Variants in RASGRF2 observed in about 807,000 individuals in gnomAD.
RASGRF2 encodes Ras protein specific guanine nucleotide releasing factor 2.
Under a neutral mutation model 151.0 loss-of-function variants are expected in RASGRF2, and 76 were observed. The ratio of observed to expected loss-of-function variants is 0.50; its 90% confidence interval spans 0.42 to 0.61. The LOEUF (loss-of-function observed/expected upper bound fraction) is 0.61. RASGRF2 is among the 20% of genes least tolerant of loss of function. The pLI is 0.00. For missense variants in RASGRF2, 1,148 were observed against 1,564.6 expected (o/e 0.73, Z 4.49); for synonymous variants, 504 against 566.5 (o/e 0.89, Z 1.57).
chr5:81,045,580 G>T (rs1209684503), intron 2 of RASGRF2, among the ~76,000 whole-genome samples: 1 of 152,100 alleles, frequency 6.6e-6, no homozygotes, highest in African/African-American at 2.4e-5. Flanking sequence ...TTTCTTTTTA[G>T]ATTTGAAGAT....
At chr5:80,967,362 T>A (rs1348258516) in intron 1 of RASGRF2, among the ~76,000 whole-genome samples, 1 of 152,094 alleles carries the variant, frequency 6.6e-6, no homozygotes, top group Non-Finnish European at 1.5e-5. Context: ...CACTCCAGCC[T>A]GGGCAAAATA....
chr5:81,211,514 G>A (rs573855421), intron 22 of RASGRF2, among the ~76,000 whole-genome samples: 41 of 152,252 alleles, frequency 2.7e-4, no homozygotes, highest in Non-Finnish European at 4.1e-4. Context: ...CTCTCCTCAC[G>A]CTAAGGATGC....
chr5:80,997,077 AT>A (rs1748909154), intron 1 of RASGRF2: 1 of 152,232 alleles, frequency 6.6e-6, no homozygotes, highest in Non-Finnish European at 1.5e-5. Flanking sequence ...TCAGAGGACT[AT>A]TTATGAACTT....
At chr5:81,022,326 G>A (rs1356434884) in intron 1 of RASGRF2, among the ~76,000 whole-genome samples, 1 of 152,134 alleles carries the variant, frequency 6.6e-6, no homozygotes, top group African/African-American at 2.4e-5. Context: ...AGTTGGGAGC[G>A]TCCATCCCAC....
At chr5:81,070,275 T>C (rs26909) in intron 3 of RASGRF2, 130,574 of 462,798 alleles carry the variant, frequency 0.28, 19,675 homozygotes, top group Admixed American at 0.37. Context: ...GGTCACACTT[T>C]ACACAGTCAC....
At chr5:81,150,840 A>G (rs1188110107) in intron 17 of RASGRF2, among the ~76,000 whole-genome samples, 1 of 152,230 alleles carries the variant, frequency 6.6e-6, no homozygotes, top group Non-Finnish European at 1.5e-5. Context: ...AATCTGTGCT[A>G]TATAATGGTG....
At chr5:81,166,065 G>T (rs1754498869) in intron 17 of RASGRF2, among the ~76,000 whole-genome samples, 1 of 152,158 alleles carries the variant, frequency 6.6e-6, no homozygotes, top group Non-Finnish European at 1.5e-5. Context: ...TAAACTCATA[G>T]ATGCAGTCAG....
At chr5:81,022,311 A>C (rs10474023) in intron 1 of RASGRF2, among the ~76,000 whole-genome samples, 2 of 152,098 alleles carry the variant, frequency 1.3e-5, no homozygotes, top group African/African-American at 4.8e-5. Context: ...AGTCATCCAC[A>C]GGATAGTTGG....
At chr5:80,989,717 G>T (rs1034858606) in intron 1 of RASGRF2, among the ~76,000 whole-genome samples, 4 of 152,166 alleles carry the variant, frequency 2.6e-5, no homozygotes, top group African/African-American at 4.8e-5. Context: ...GAAATAAAAG[G>T]TTCCATTTTG....
intron 2 of RASGRF2, among the ~76,000 whole-genome samples, chr5:81,062,606 C>G (rs1375056110): frequency 6.6e-6 from 1 of 151,996 alleles, no homozygotes; most frequent in Non-Finnish European, 1.5e-5. Flanking sequence ...AATTAAAAAC[C>G]AACAAGGAAC....
At chr5:81,154,477 G>A (rs994370986) in intron 17 of RASGRF2, among the ~76,000 whole-genome samples, 33 of 152,214 alleles carry the variant, frequency 2.2e-4, no homozygotes, top group African/African-American at 7.0e-4. Flanking sequence ...CGATCCTCCC[G>A]CTTTGGCCTT....
chr5:80,998,955 T>A (rs1483126693), intron 1 of RASGRF2, among the ~76,000 whole-genome samples: 6 of 152,200 alleles, frequency 3.9e-5, no homozygotes, highest in Admixed American at 3.9e-4. Context: ...CTTTTCCACT[T>A]GGGTAAAATA....
intron 9 of RASGRF2, among the ~76,000 whole-genome samples, chr5:81,092,018 G>T (rs524423): frequency 0.4 from 60,003 of 151,896 alleles, 12,352 homozygotes; most frequent in Middle Eastern, 0.64. Context: ...ATTTAACTTA[G>T]ATTGGAATTT....
At chr5:81,222,894 GA>G (rs34206612) in intron 26 of RASGRF2, among the ~76,000 whole-genome samples, 82,512 of 151,914 alleles carry the variant, frequency 0.54, 23,475 homozygotes, top group African/African-American at 0.69. Flanking sequence ...AAATCCAAGA[GA>G]AAAATCTAAG....
intron 26 of RASGRF2, among the ~76,000 whole-genome samples, chr5:81,224,443 A>G (rs1014233587): frequency 1.3e-5 from 2 of 152,260 alleles, no homozygotes; most frequent in African/African-American, 4.8e-5. Flanking sequence ...TGAGAATAAA[A>G]TCGAACAATC....
At chr5:81,068,314 G>T in intron 3 of RASGRF2, 135 bp downstream of exon 3, 4 of 942,614 alleles carry the variant, frequency 4.2e-6, no homozygotes, top group Non-Finnish European at 6.2e-6. Context: ...ACGTGGCTGG[G>T]CCTGACCTAG....
intron 16 of RASGRF2, among the ~76,000 whole-genome samples, chr5:81,126,115 G>A (rs1753446017): frequency 6.6e-6 from 1 of 152,224 alleles, no homozygotes; most frequent in African/African-American, 2.4e-5. Flanking sequence ...AAGCCCTTCA[G>A]GTCAGAATCA....
At chr5:81,214,352 G>A (rs1212886615) in intron 23 of RASGRF2, among the ~76,000 whole-genome samples, 3 of 152,194 alleles carry the variant, frequency 2.0e-5, no homozygotes, top group Non-Finnish European at 2.9e-5. Flanking sequence ...AGAGCCAAGC[G>A]CCTTACTCCA....
intron 2 of RASGRF2, among the ~76,000 whole-genome samples, chr5:81,061,500 A>C (rs915243519): frequency 6.8e-6 from 1 of 147,824 alleles, no homozygotes; most frequent in Non-Finnish European, 1.5e-5. Flanking sequence ...TAATTCTTTG[A>C]TTAAGAAGGA....
Sources: gnomAD v4.1 joint callset for allele counts (sites outside exome capture counted in the v4.1 genomes callset) on GRCh38, gnomAD v4.1.1 for gene constraint, MANE v1.5 for transcripts, NCBI Gene and HGNC (gene_info 2026-07-23, HGNC 2026-07-21) for gene names.